Variants in TOX3 observed in about 807,000 individuals in gnomAD.
The protein encoded by TOX3 is TOX high mobility group box family member 3, also known as CAG trinucleotide repeat-containing gene F9 protein.
TOX3 carries 22 observed loss-of-function variants against 64.3 expected under a neutral mutation model. The observed-to-expected ratio is 0.34, with a 90% CI of 0.24 to 0.49. The LOEUF (loss-of-function observed/expected upper bound fraction) is 0.49. Ranked by LOEUF, TOX3 falls within the 20% of genes least tolerant of loss-of-function variation. TOX3 has a pLI of 0.99. For synonymous variants in TOX3, 291 were observed against 273.6 expected, an observed-to-expected ratio of 1.06 and a Z score of -0.63; for missense variants, 661 against 714.4, an observed-to-expected ratio of 0.93 and a Z score of 0.85.
intron 1 of TOX3, among the ~76,000 whole-genome samples, chr16:52,469,663 T>C (rs181224959): frequency 1.3e-5 from 2 of 152,128 alleles, no homozygotes; most frequent in African/African-American, 2.4e-5. Flanking sequence ...GAGAGATGGA[T>C]GGATGGAGAT....
At chr16:52,471,169 CTTTA>C (rs1381332817) in intron 1 of TOX3, among the ~76,000 whole-genome samples, 1 of 152,074 alleles carries the variant, frequency 6.6e-6, no homozygotes, top group Non-Finnish European at 1.5e-5. Flanking sequence ...AAGAACTATT[CTTTA>C]TTTATCTGAG....
chr16:52,443,284 G>A (rs760611281), intron 6 of TOX3, among the ~76,000 whole-genome samples: 2 of 152,168 alleles, frequency 1.3e-5, no homozygotes, highest in Non-Finnish European at 2.9e-5. Flanking sequence ...GTCTGAGAAA[G>A]AGGTTTTGCT....
chr16:52,534,442 A>C (rs1962909311), intron 1 of TOX3, among the ~76,000 whole-genome samples: 1 of 152,118 alleles, frequency 6.6e-6, no homozygotes, highest in Non-Finnish European at 1.5e-5. Context: ...GTTCAAGACC[A>C]GTCTGGTCAA....
intron 1 of TOX3, among the ~76,000 whole-genome samples, chr16:52,504,821 G>T (rs1197761352): frequency 8.3e-6 from 1 of 121,008 alleles, no homozygotes. Context: ...AAAGAAGAGG[G>T]TCTTTTTGTT....
rs1959888019 is a variant in TOX3, at chr16:52,439,681, G to A, written c.1275C>T (p.Gly425=). 5 of 1,613,820 alleles carry A rather than the reference G, an allele frequency of 3.1e-6. No homozygotes were observed. The South Asian group carries it at 5.5e-5, about 18-fold the overall frequency. ...LISSMGTTMV[G]SAPSTQVSPS... ...GACTCACTTGGGTGGAGGGTGCTGA[G>A]CCAACCATGGTCGTTCCCATGGAGC... Residue 425 remains glycine (G), a synonymous_variant, in exon 7 of 7, where the codon GGC becomes GGT. Transcript: ENST00000219746.
In TOX3 at chr16:52,506,849, T is replaced by A. The variant is rs1962175046; in HGVS notation, c.88-38275A>T. ...TAGAATGTCCAACATCCACTGCATC[T>A]AAGAAGCACTAGTATTTATTATGTA... On this transcript the variant is annotated intron_variant, in intron 1 of 6. Transcript: ENST00000219746. Among the ~76,000 whole-genome samples the A allele has an allele frequency of 2.0e-5, 3 of 152,208 alleles. No individual in the cohort carries two copies. In the South Asian group the frequency reaches 6.2e-4, roughly 32 times the overall value.
intron 1 of TOX3, among the ~76,000 whole-genome samples, chr16:52,482,539 T>C (rs1467436309): frequency 2.6e-5 from 4 of 151,958 alleles, no homozygotes; most frequent in African/African-American, 9.7e-5. Context: ...CAAAAGAATA[T>C]CAGTTAGGGT....
At chr16:52,519,400 T>G (rs1284348853) in intron 1 of TOX3, 3 of 1,551,156 alleles carry the variant, frequency 1.9e-6, no homozygotes, top group African/African-American at 2.7e-5. Flanking sequence ...GAAGATTAGG[T>G]CTTACTTTCA....
At chr16:52,528,581 G>A (rs1024719856) in intron 1 of TOX3, among the ~76,000 whole-genome samples, 11 of 152,164 alleles carry the variant, frequency 7.2e-5, no homozygotes, top group East Asian at 1.9e-4. Flanking sequence ...CTCTCGCACC[G>A]TGCCAGCCGG....
chr16:52,531,355 A>C (rs184446770), intron 1 of TOX3, among the ~76,000 whole-genome samples: 1 of 152,310 alleles, frequency 6.6e-6, no homozygotes, highest in Non-Finnish European at 1.5e-5. Flanking sequence ...CAAACAGTTA[A>C]GAAAACTCAC....
intron 3 of TOX3, among the ~76,000 whole-genome samples, chr16:52,453,531 T>C (rs1355967750): frequency 6.6e-6 from 1 of 152,184 alleles, no homozygotes; most frequent in Non-Finnish European, 1.5e-5. Flanking sequence ...TCTAGATGTT[T>C]TAAAGTATCT....
chr16:52,484,571 C>T (rs1440118621), intron 1 of TOX3, among the ~76,000 whole-genome samples: 1 of 152,160 alleles, frequency 6.6e-6, no homozygotes, highest in East Asian at 1.9e-4. Context: ...GATTCATTTA[C>T]TCATTCTTAC....
intron 3 of TOX3, among the ~76,000 whole-genome samples, chr16:52,462,291 C>A (rs1960714619): frequency 6.6e-6 from 1 of 152,116 alleles, no homozygotes; most frequent in African/African-American, 2.4e-5. Context: ...CAACGCCAGT[C>A]CGTGAAAGCA....
At chr16:52,502,463 C>CA (rs1318092830) in intron 1 of TOX3, among the ~76,000 whole-genome samples, 9 of 151,916 alleles carry the variant, frequency 5.9e-5, no homozygotes, top group East Asian at 1.9e-4. Flanking sequence ...CCATATTCAA[C>CA]AAAAAAAGCA....
At chr16:52,444,728 T>G (rs913260559) in intron 5 of TOX3, 1 of 166,548 alleles carries the variant, frequency 6.0e-6, no homozygotes, top group Non-Finnish European at 1.3e-5. Flanking sequence ...TGCAAATGGC[T>G]TACTTTAGAG....
At chr16:52,455,512 A>G (rs540819199) in intron 3 of TOX3, among the ~76,000 whole-genome samples, 1 of 152,184 alleles carries the variant, frequency 6.6e-6, no homozygotes, top group Non-Finnish European at 1.5e-5. Flanking sequence ...GAATGTTCAA[A>G]GCTTATATTC....
At chr16:52,446,298 T>C in intron 4 of TOX3, 77 bp from the exon 5 acceptor site, 1 of 1,456,160 alleles carries the variant, frequency 6.9e-7, no homozygotes, top group Non-Finnish European at 9.3e-7. Flanking sequence ...AGATCCATAA[T>C]TGTTCTTTGA....
At position 52,453,823 on chromosome 16, in the gene TOX3, C is replaced by T. The variant is rs1960435095; in HGVS notation, c.409-3277G>A. On this transcript the variant is annotated intron_variant, in intron 3 of 6. Coordinates refer to ENST00000219746, the MANE Select transcript of TOX3 (RefSeq NM_001080430.4). ...GTCAGCCCTTCCTGAATTCCATCTG[C>T]AATTTATGCCTTTATTATGGATCTT... Among the ~76,000 whole-genome samples the T allele has an allele frequency of 3.9e-5, 6 of 152,306 alleles. 1 individual carries two copies. The South Asian group carries it at 1.2e-3, about 32-fold the overall frequency.
intron 3 of TOX3, among the ~76,000 whole-genome samples, chr16:52,461,313 T>C (rs934673489): frequency 6.6e-6 from 1 of 152,168 alleles, no homozygotes. Flanking sequence ...TTCTTTGAAG[T>C]CACAAATGCA....
Sources: allele counts gnomAD v4.1 joint callset (sites outside exome capture counted in the v4.1 genomes callset), GRCh38; gene constraint gnomAD v4.1.1; transcripts MANE v1.5; gene names NCBI Gene and HGNC (gene_info 2026-07-23, HGNC 2026-07-21).